The following CAMK4 variants were observed in gnomAD, a reference collection of about 807,000 sequenced individuals.
CAMK4 encodes the protein calcium/calmodulin-dependent protein kinase type IV.
Under a neutral mutation model 44.9 loss-of-function variants are expected in CAMK4, and 22 were observed. The ratio of observed to expected loss-of-function variants is 0.49; its 90% CI spans 0.35 to 0.70. CAMK4 has a LOEUF of 0.70. CAMK4 is among the 30% of genes least tolerant of loss of function. CAMK4 has a pLI of 0.01. For synonymous variants in CAMK4, 218 were observed against 215.4 expected, an observed-to-expected ratio of 1.01 and a Z score of -0.11; for missense variants, 498 against 586.8, an observed-to-expected ratio of 0.85 and a Z score of 1.56.
chr5:111,397,330 A>G (rs922508689), intron 5 of CAMK4, among the ~76,000 whole-genome samples: 1 of 152,246 alleles, frequency 6.6e-6, no homozygotes, highest in Non-Finnish European at 1.5e-5. Context: ...CGGAAATCAT[A>G]GCAATGTTCA....
chr5:111,256,859 A>C (rs1749765432), intron 1 of CAMK4, among the ~76,000 whole-genome samples: 1 of 152,204 alleles, frequency 6.6e-6, no homozygotes, highest in African/African-American at 2.4e-5. Flanking sequence ...TGTATTTTGA[A>C]AGTTTACCAC....
At chr5:111,405,272 A>G (rs1752378760) in intron 5 of CAMK4, among the ~76,000 whole-genome samples, 2 of 152,220 alleles carry the variant, frequency 1.3e-5, no homozygotes. Flanking sequence ...AATTGAGACC[A>G]TCCTGGCCAA....
intron 1 of CAMK4, among the ~76,000 whole-genome samples, chr5:111,333,156 A>G (rs1185488664): frequency 1.3e-5 from 2 of 151,644 alleles, no homozygotes; most frequent in Non-Finnish European, 3.0e-5. Flanking sequence ...AATTGTGTAG[A>G]TACACATTAA....
chr5:111,328,898 G>A lies in CAMK4; in HGVS notation c.162-15126G>A, dbSNP rs377734846. On this transcript the variant is annotated intron_variant, in intron 1 of 10. Coordinates refer to ENST00000282356, the MANE Select transcript of CAMK4 (RefSeq NM_001744.6). ...CTTTGCTGAAGTCGCTTATCAGCTTGAGGAGATTTTGGGCTGAGACGATGG... is the reference window on the plus strand; with the variant it reads ...CTTTGCTGAAGTCGCTTATCAGCTTAAGGAGATTTTGGGCTGAGACGATGG... Among the ~76,000 whole-genome samples, 7 of 151,968 alleles carry A rather than the reference G, an allele frequency of 4.6e-5. No individual in the cohort carries two copies. In the South Asian group the frequency reaches 8.3e-4, roughly 18 times the overall value.
chr5:111,349,469 A>T (rs555984282), intron 2 of CAMK4, among the ~76,000 whole-genome samples: 1 of 152,082 alleles, frequency 6.6e-6, no homozygotes, highest in South Asian at 2.1e-4. Flanking sequence ...CCAGTGTTTT[A>T]TAAGATGTAA....
intron 1 of CAMK4, among the ~76,000 whole-genome samples, chr5:111,254,329 C>T (rs566242294): frequency 1.6e-4 from 25 of 152,172 alleles, no homozygotes; most frequent in Non-Finnish European, 2.6e-4. Context: ...ACAAGACCCT[C>T]TGGGAGGCTG....
Position 111,261,611 on chromosome 5 carries a change from G to T in CAMK4, c.161+36967G>T, listed in dbSNP as rs187346196. 3.4e-5 allele frequency among the ~76,000 whole-genome samples: 5 copies of T among 149,242 alleles called. No homozygotes were observed. In the South Asian group the frequency reaches 8.5e-4, roughly 25 times the overall value. On this transcript the variant is annotated intron_variant, in intron 1 of 10. Coordinates refer to ENST00000282356, the MANE Select transcript of CAMK4 (RefSeq NM_001744.6). ...CACAATGACTTTTTCTGCTTCCAAA[G>T]TTGGAAAAGAGCCATCTTTTTAAAA...
intron 1 of CAMK4, among the ~76,000 whole-genome samples, chr5:111,259,146 G>A (rs1316777256): frequency 6.6e-6 from 1 of 152,144 alleles, no homozygotes; most frequent in Non-Finnish European, 1.5e-5. Context: ...AAGAGGCAGA[G>A]TTTGTTTTCT....
chr5:111,271,050 C>T (rs1328015556), intron 1 of CAMK4, among the ~76,000 whole-genome samples: 2 of 152,106 alleles, frequency 1.3e-5, no homozygotes, highest in Non-Finnish European at 2.9e-5. Context: ...CGTGAGAACT[C>T]ACTCACTATC....
At chr5:111,441,205 A>G (rs978071255) in intron 5 of CAMK4, among the ~76,000 whole-genome samples, 3 of 152,220 alleles carry the variant, frequency 2.0e-5, no homozygotes, top group Non-Finnish European at 4.4e-5. Flanking sequence ...TGAGGGCAAG[A>G]TATTTAAACA....
intron 5 of CAMK4, among the ~76,000 whole-genome samples, chr5:111,445,932 T>G (rs1754011663): frequency 6.6e-6 from 1 of 152,194 alleles, no homozygotes; most frequent in African/African-American, 2.4e-5. Context: ...GGGATTACTT[T>G]TGAAGAGGGG....
chr5:111,387,027 C>A (rs1751629533), intron 4 of CAMK4, among the ~76,000 whole-genome samples: 1 of 152,180 alleles, frequency 6.6e-6, no homozygotes, highest in African/African-American at 2.4e-5. Flanking sequence ...ACCACAGGGC[C>A]CTGGGCCTGT....
intron 5 of CAMK4, among the ~76,000 whole-genome samples, chr5:111,440,924 A>G (rs1753801285): frequency 6.6e-6 from 1 of 152,220 alleles, no homozygotes; most frequent in Non-Finnish European, 1.5e-5. Context: ...TACCATTTAC[A>G]CATAGAATAT....
chr5:111,415,163 A>G (rs895383452), intron 5 of CAMK4, among the ~76,000 whole-genome samples: 2 of 152,206 alleles, frequency 1.3e-5, no homozygotes, highest in East Asian at 3.9e-4. Flanking sequence ...CTGGAAATAA[A>G]CGATTCATAA....
chr5:111,351,466 C>T (rs890903279), intron 2 of CAMK4, among the ~76,000 whole-genome samples: 2 of 150,688 alleles, frequency 1.3e-5, no homozygotes, highest in East Asian at 2.0e-4. Flanking sequence ...AGTGTGATGG[C>T]GCCATCTTGG....
Position 111,493,870 on chromosome 5 carries a change from G to T in CAMK4, c.*9404G>T, listed in dbSNP as rs1018471365. On this transcript the variant is annotated 3_prime_UTR_variant, in exon 11 of 11. Coordinates refer to ENST00000282356, the MANE Select transcript of CAMK4 (RefSeq NM_001744.6). This position sits in a 1 kb window ranked among gnomAD's most constrained non-coding sequence, Gnocchi z 4.1. ...GGCGGCATTATTCCTGAAGACAAAT[G>T]AAGGAAGATAGGGAGCAAGATTGAC... The T allele has an allele frequency of 6.6e-6, 1 of 152,162 alleles. No individual in the cohort carries two copies. The highest frequency in any genetic ancestry group is 2.4e-5 in the African/African-American group (1 of 41,444). 9.4% of individuals were successfully genotyped at this position (152,162 alleles called of 1,614,324 possible).
chr5:111,321,147 T>C (rs1650786), intron 1 of CAMK4, among the ~76,000 whole-genome samples: 57,176 of 151,924 alleles, frequency 0.38, 11,298 homozygotes, highest in South Asian at 0.49. Flanking sequence ...TGGGTGTTCA[T>C]GAGATTAGAG....
chr5:111,362,961 T>G (rs1750652113), intron 2 of CAMK4, among the ~76,000 whole-genome samples: 1 of 152,120 alleles, frequency 6.6e-6, no homozygotes, highest in Non-Finnish European at 1.5e-5. Flanking sequence ...TTAATCACTC[T>G]GGTTGTGTTT....
At chr5:111,346,973 T>G (rs1749900123) in intron 2 of CAMK4, among the ~76,000 whole-genome samples, 1 of 151,960 alleles carries the variant, frequency 6.6e-6, no homozygotes, top group Non-Finnish European at 1.5e-5. Context: ...GGGTACACTA[T>G]GAAAGGTAAG....
Sources: gnomAD v4.1 joint callset for allele counts (sites outside exome capture counted in the v4.1 genomes callset) on GRCh38, gnomAD v4.1.1 for gene constraint, Gnocchi (gnomAD v3.1) non-coding constraint, MANE v1.5 for transcripts, NCBI Gene and HGNC (gene_info 2026-07-23, HGNC 2026-07-21) for gene names.